Variants in ZZEF1 observed in about 807,000 individuals in gnomAD.
The protein encoded by ZZEF1 is zinc finger ZZ-type and EF-hand domain containing 1.
A neutral mutation model predicts 342.8 loss-of-function variants in ZZEF1; 157 were observed. The observed-to-expected ratio is 0.46, with a 90% CI of 0.40 to 0.52. The LOEUF is 0.52. Among genes scored for constraint, ZZEF1 ranks in the 20% least tolerant of loss-of-function variants. The pLI is 0.00. For synonymous variants in ZZEF1, 1,505 were observed against 1,429.1 expected, an observed-to-expected ratio of 1.05 and a Z score of -1.20; for missense variants, 3,480 against 3,725.6, an observed-to-expected ratio of 0.93 and a Z score of 1.72.
Position 4,021,226 on chromosome 17 carries a change from T to C in ZZEF1, c.7307A>G (p.Glu2436Gly). ...LELDERGDRE[E>G]EVERPVSSPG... ...GCTGCTGACTGGCCGTTCCACCTCT[T>C]CCTCTCGGTCCCCTCGCTCATCCAG... is the stretch of plus-strand genomic sequence containing the variant. The change falls in exon 45 of 55, where the codon GAA becomes GGA. Residue 2436 changes from glutamate to glycine, a missense_variant. Around this residue, in one of 5 missense-constraint regions of ZZEF1, gnomAD observed 1,269 missense variants for 1,342.4 expected, o/e 0.95. Coordinates refer to ENST00000381638, the MANE Select transcript of ZZEF1 (RefSeq NM_015113.4). 1 of 1,614,124 alleles carries C rather than the reference T, an allele frequency of 6.2e-7. No individual in the cohort carries two copies. Among genetic ancestry groups the C allele is most frequent in the Non-Finnish European group, 8.5e-7 (1 of 1,180,016 alleles).
intron 42 of ZZEF1, 59 bp from the exon 43 acceptor site, chr17:4,025,177 C>A (rs1193227856): frequency 1.9e-5 from 29 of 1,516,502 alleles, no homozygotes; most frequent in African/African-American, 2.7e-5. Context: ...ATGCTTCCAG[C>A]AGCTATTTCT....
At chr17:4,025,944 T>C (rs892716351) in intron 42 of ZZEF1, among the ~76,000 whole-genome samples, 1 of 152,050 alleles carries the variant, frequency 6.6e-6, no homozygotes, top group African/African-American at 2.4e-5. Context: ...CCAGGCAGAA[T>C]CCAGCAGTCT....
chr17:4,106,659 T>C (rs1031459012), intron 6 of ZZEF1, among the ~76,000 whole-genome samples: 2 of 152,206 alleles, frequency 1.3e-5, no homozygotes, highest in Non-Finnish European at 2.9e-5. Flanking sequence ...TTCTTGTCTT[T>C]GCTTACATTT....
At chr17:4,029,044 T>C (rs1205216427) in intron 42 of ZZEF1, among the ~76,000 whole-genome samples, 2 of 152,222 alleles carry the variant, frequency 1.3e-5, no homozygotes, top group Admixed American at 1.3e-4. Flanking sequence ...CTCTCAGGAA[T>C]TGTTAGAACA....
chr17:4,085,862 T>G (rs1166611046), intron 15 of ZZEF1, 59 bp from the exon 16 acceptor site: 2 of 1,592,298 alleles, frequency 1.3e-6, no homozygotes, highest in East Asian at 4.5e-5. Flanking sequence ...CTTATACATC[T>G]GCTATAACTA....
chr17:4,076,322 A>T (rs8066352), intron 21 of ZZEF1: 24,088 of 161,262 alleles, frequency 0.15, 2,021 homozygotes, highest in African/African-American at 0.22. Flanking sequence ...TTTAGTAGAG[A>T]CGGGGTTTCA....
At chr17:4,039,014 A>T (rs1317360086) in intron 39 of ZZEF1, among the ~76,000 whole-genome samples, 1 of 152,002 alleles carries the variant, frequency 6.6e-6, no homozygotes, top group Non-Finnish European at 1.5e-5. Flanking sequence ...AAATCAAACT[A>T]ATAATTTGCC....
chr17:4,043,676 T>C (rs537468034), intron 38 of ZZEF1, among the ~76,000 whole-genome samples: 305 of 152,352 alleles, frequency 2.0e-3, no homozygotes, highest in African/African-American at 7.0e-3. Context: ...CCTACACACC[T>C]GCCAAGAGGG....
intron 1 of ZZEF1, among the ~76,000 whole-genome samples, chr17:4,137,484 C>T (rs1050332574): frequency 1.4e-4 from 22 of 152,104 alleles, no homozygotes; most frequent in Admixed American, 5.9e-4. Context: ...TGGTGGCAGG[C>T]GCCTGTAGTC....
At chr17:4,024,064 G>A (rs185720364) in intron 43 of ZZEF1, among the ~76,000 whole-genome samples, 141 of 151,900 alleles carry the variant, frequency 9.3e-4, no homozygotes, top group African/African-American at 3.2e-3. Flanking sequence ...CTGTTGGGAA[G>A]ATTATCCTAA....
At chr17:4,057,349 A>C (rs1224246637) in intron 32 of ZZEF1, among the ~76,000 whole-genome samples, 1 of 150,190 alleles carries the variant, frequency 6.7e-6, no homozygotes, top group Non-Finnish European at 1.5e-5. Flanking sequence ...CGCTCTCCTG[A>C]GAGAGTGGAG....
chr17:4,022,942 ACT>A, intron 43 of ZZEF1, 114 bp from the exon 44 acceptor site: 2 of 1,365,298 alleles, frequency 1.5e-6, no homozygotes, highest in Non-Finnish European at 2.0e-6. Context: ...TTCAACACAT[ACT>A]TTTGAATGAA....
Position 4,017,204 on chromosome 17 carries a change from CA to C in ZZEF1, c.8001+166del. ...AGGGCCCCTGAGTTCCTCACTAGCC[CA>C]ATCCTTGGGAGAGGATACAGTGACC... On this transcript the variant is annotated intron_variant, in intron 48 of 54. Transcript: ENST00000381638. This position sits in a 1 kb window ranked among gnomAD's most constrained non-coding sequence, Gnocchi z 5.1. 9.2e-6 allele frequency: 9 copies of C among 977,546 alleles called. No individual in the cohort carries two copies. Among genetic ancestry groups the C allele is most frequent in the Non-Finnish European group, 1.3e-5 (9 of 686,914 alleles). 60.6% of individuals were successfully genotyped at this position (977,546 alleles called of 1,614,324 possible). A position where few individuals can be genotyped will look rare whatever the true frequency, so the allele number is the denominator to read the frequency against.
Position 4,114,579 on chromosome 17 carries a change from C to A in ZZEF1, c.695-109G>T. The A allele has an allele frequency of 3.3e-6, 3 of 912,536 alleles. No individual in the cohort carries two copies. In the South Asian group the frequency reaches 9.1e-5, roughly 28 times the overall value. The allele number at this position is 912,536 out of a possible 1,614,324, so 56.5% of individuals were successfully genotyped here. ...ACGCTTGGTACTCTGGCCCTAGAAACACAAATCTTCCTTAAAATCTCCTTC... is the reference window on the plus strand; with the variant it reads ...ACGCTTGGTACTCTGGCCCTAGAAAAACAAATCTTCCTTAAAATCTCCTTC... On this transcript the variant is annotated intron_variant, in intron 3 of 54. Coordinates refer to ENST00000381638, the MANE Select transcript of ZZEF1 (RefSeq NM_015113.4).
chr17:4,096,033 G>A (rs936336350), intron 10 of ZZEF1, 54 bp from the exon 11 acceptor site: 17 of 1,532,496 alleles, frequency 1.1e-5, no homozygotes, highest in South Asian at 5.1e-5. Context: ...TTCTGTGGCC[G>A]TTTTGTTTCC....
At chr17:4,022,616 G>A in intron 44 of ZZEF1, 93 bp downstream of exon 44, 1 of 1,581,448 alleles carries the variant, frequency 6.3e-7, no homozygotes, top group Non-Finnish European at 8.6e-7. Flanking sequence ...GTGTGCACAG[G>A]GCAGAAGCAG....
In ZZEF1 at chr17:4,025,129, A is replaced by C; in HGVS notation, c.6893-11T>G. ...GCTGGTAGTCCTTCACTGAAGGGTG[A>C]CATCAGGCAGAAAAAGAAAGGCACA... On this transcript the variant is annotated splice_polypyrimidine_tract_variant and intron_variant, in intron 42 of 54. Transcript: ENST00000381638. The C allele has an allele frequency of 6.2e-7, 1 of 1,613,568 alleles. No individual in the cohort carries two copies. Among genetic ancestry groups the C allele is most frequent in the Non-Finnish European group, 8.5e-7 (1 of 1,179,700 alleles).
Position 4,075,432 on chromosome 17 carries a change from A to C in ZZEF1, c.3235-3T>G. ...TGTTGCCAGGTCTCAACATCCAGCTATGATAACAAATGAGCCAGGGGAAAG... is the reference window on the plus strand; with the variant it reads ...TGTTGCCAGGTCTCAACATCCAGCTCTGATAACAAATGAGCCAGGGGAAAG... On this transcript the variant is annotated splice_region_variant and splice_polypyrimidine_tract_variant and intron_variant, in intron 21 of 54. Coordinates refer to ENST00000381638, the MANE Select transcript of ZZEF1 (RefSeq NM_015113.4). The C allele has an allele frequency of 6.2e-7, 1 of 1,613,030 alleles. No homozygotes were observed. The highest frequency in any genetic ancestry group is 8.5e-7 in the Non-Finnish European group (1 of 1,179,404).
chr17:4,039,630 T>C (rs531229146), intron 39 of ZZEF1, among the ~76,000 whole-genome samples: 5 of 148,374 alleles, frequency 3.4e-5, no homozygotes, highest in East Asian at 2.0e-4. Context: ...GGAAGGCACA[T>C]AGAAAGAGAA....
Sources: gnomAD v4.1 joint callset for allele counts (sites outside exome capture counted in the v4.1 genomes callset) on GRCh38, gnomAD v4.1.1 for gene constraint, gnomAD v4.1.1 regional missense constraint, Gnocchi (gnomAD v3.1) non-coding constraint, MANE v1.5 for transcripts, NCBI Gene and HGNC (gene_info 2026-07-23, HGNC 2026-07-21) for gene names.